The following VAPB variants were observed in gnomAD, a reference collection of about 807,000 sequenced individuals.
VAPB encodes the protein VAMP associated protein B and C.
Under a neutral mutation model 25.6 loss-of-function variants are expected in VAPB, and 7 were observed. The observed-to-expected ratio is 0.27, with a 90% CI of 0.16 to 0.51. The LOEUF is 0.51. Ranked by LOEUF, VAPB falls within the 20% of genes least tolerant of loss-of-function variation. The pLI, the probability that VAPB is intolerant of heterozygous loss-of-function variation, is 0.97. For synonymous variants in VAPB, 112 were observed against 109.2 expected (o/e 1.03, Z -0.16); for missense variants, 266 against 301.3 (o/e 0.88, Z 0.87).
rs1217130795 is a variant in VAPB at position 58,446,712 on chromosome 20, G to A, written c.*2477G>A. Reference sequence around the variant, plus strand: ...AGGTTAGGACTTGGTGAACATGTTTGTGGGCCTTTTGACTGAGTGGCAGAA... The same window carrying A: ...AGGTTAGGACTTGGTGAACATGTTTATGGGCCTTTTGACTGAGTGGCAGAA... On this transcript the variant is annotated 3_prime_UTR_variant, in exon 6 of 6. Transcript: ENST00000475243. 1 of 454,094 alleles carries A rather than the reference G, an allele frequency of 2.2e-6. No homozygotes were observed. The highest frequency in any genetic ancestry group is 2.0e-5 in the African/African-American group (1 of 50,114). The allele number at this position is 454,094 out of a possible 1,614,324, so 28.1% of individuals were successfully genotyped here.
rs756070179 is a variant in VAPB, at chr20:58,445,970, G to A, written c.*1735G>A. ...TTAGAAGTCACATACGTTGAGCCAC[G>A]TTGCTCCTAAGCCTGGCTCTGTCAA... is the stretch of plus-strand genomic sequence containing the variant. On this transcript the variant is annotated 3_prime_UTR_variant, in exon 6 of 6. Coordinates refer to ENST00000475243, the MANE Select transcript of VAPB (RefSeq NM_004738.5). 4 of 454,076 alleles carry A rather than the reference G, an allele frequency of 8.8e-6. No homozygotes were observed. The highest frequency in any genetic ancestry group is 1.6e-5 in the South Asian group (1 of 64,480). 28.1% of individuals were successfully genotyped at this position (454,076 alleles called of 1,614,324 possible).
intron 1 of VAPB, among the ~76,000 whole-genome samples, chr20:58,414,714 G>A (rs1018707816): frequency 8.5e-5 from 13 of 152,062 alleles, no homozygotes; most frequent in African/African-American, 2.2e-4. Flanking sequence ...GATGGCGGCC[G>A]GTCGGAGACG....
At chr20:58,422,956 T>C (rs2123066467) in intron 2 of VAPB, among the ~76,000 whole-genome samples, 1 of 152,260 alleles carries the variant, frequency 6.6e-6, no homozygotes, top group Middle Eastern at 3.4e-3. Flanking sequence ...AAGTGTACCT[T>C]GGGAATTGAA....
chr20:58,444,515 A>C lies in VAPB; in HGVS notation c.*280A>C. ...ACCATGAGTAATGCCACAATGGCAT[A>C]TTGTAAATGTCATTTTAAACATTGG... On this transcript the variant is annotated 3_prime_UTR_variant, in exon 6 of 6. Transcript: ENST00000475243. 1 of 563,652 alleles carries C rather than the reference A, an allele frequency of 1.8e-6. No homozygotes were observed. The allele number at this position is 563,652 out of a possible 1,614,324, so 34.9% of individuals were successfully genotyped here. A position where few individuals can be genotyped will look rare whatever the true frequency, so the allele number is the denominator to read the frequency against.
At position 58,441,038 on chromosome 20, in the gene VAPB, G is replaced by A. The variant is rs199921117; in HGVS notation, c.528G>A (p.Leu176=). The change falls in exon 5 of 6, where the codon CTG becomes CTA. Residue 176 remains leucine (L), a synonymous_variant. Transcript: ENST00000475243. ...AGGTTATGGAAGAATGTAAGAGGCT[G>A]CAAGGTGAAGTTCAGAGGCTACGGG... The part of the protein sequence containing the change: ...VKKVMEECKR[L]QGEVQRLREE... 2.0e-4 allele frequency: 315 copies of A among 1,614,082 alleles called. 1 individual carries two copies. In the Admixed American group the frequency reaches 4.5e-3, roughly 23 times the overall value.
At chr20:58,412,248 C>T (rs1988397488) in intron 1 of VAPB, among the ~76,000 whole-genome samples, 1 of 152,042 alleles carries the variant, frequency 6.6e-6, no homozygotes, top group Admixed American at 6.5e-5. Context: ...TCTAAATATA[C>T]TTTAGCCTTT....
At chr20:58,414,469 G>T (rs1404220675) in intron 1 of VAPB, among the ~76,000 whole-genome samples, 1 of 151,624 alleles carries the variant, frequency 6.6e-6, no homozygotes, top group Non-Finnish European at 1.5e-5. Context: ...CTCCTCAGAC[G>T]GGGCGGTTGC....
At chr20:58,410,407 G>GTATT (rs144731530) in intron 1 of VAPB, among the ~76,000 whole-genome samples, 169 of 151,812 alleles carry the variant, frequency 1.1e-3, no homozygotes, top group South Asian at 6.2e-3. Context: ...TATCAACACC[G>GTATT]TATTTATTTA....
chr20:58,419,081 AC>A, intron 2 of VAPB, among the ~76,000 whole-genome samples: 1 of 152,292 alleles, frequency 6.6e-6, no homozygotes, highest in Admixed American at 6.5e-5. Flanking sequence ...GCTCATTAGA[AC>A]TTCTCCATCC....
At chr20:58,390,391 T>G (rs1320377146) in intron 1 of VAPB, 2 of 151,930 alleles carry the variant, frequency 1.3e-5, no homozygotes, top group Non-Finnish European at 2.9e-5. Context: ...TTTTTTTTTT[T>G]TTTTCCTACC....
chr20:58,445,620 C>T lies in VAPB; in HGVS notation c.*1385C>T, dbSNP rs1211779972. 1 of 453,842 alleles carries T rather than the reference C, an allele frequency of 2.2e-6. No individual in the cohort carries two copies. The highest frequency in any genetic ancestry group is 1.6e-5 in the South Asian group (1 of 64,420). 28.1% of individuals were successfully genotyped at this position (453,842 alleles called of 1,614,324 possible). ...TTATTTTATCATTTTTATTATTTTG[C>T]CATTGGAAGGTTAACTTTAAAATGA... On this transcript the variant is annotated 3_prime_UTR_variant, in exon 6 of 6. Coordinates refer to ENST00000475243, the MANE Select transcript of VAPB (RefSeq NM_004738.5).
Position 58,395,535 on chromosome 20 carries a change from A to G in VAPB, c.58+6018A>G, listed in dbSNP as rs192993730. Among the ~76,000 whole-genome samples the G allele has an allele frequency of 6.6e-5, 10 of 152,322 alleles. No individual in the cohort carries two copies. The East Asian group carries it at 1.5e-3, about 23-fold the overall frequency. ...TTGGGACGAATGAGCACAGCTTTCAACTAGATGACAAGAAAGATGAATACA... is the reference window on the plus strand; with the variant it reads ...TTGGGACGAATGAGCACAGCTTTCAGCTAGATGACAAGAAAGATGAATACA... On this transcript the variant is annotated intron_variant, in intron 1 of 5. Transcript: ENST00000475243.
rs1352858489 is a variant in VAPB, at chr20:58,449,341, A to C, written c.*5106A>C. The C allele has an allele frequency of 2.2e-6, 1 of 451,242 alleles. No individual in the cohort carries two copies. The highest frequency in any genetic ancestry group is 4.4e-6 in the Non-Finnish European group (1 of 226,188). 28.0% of individuals were successfully genotyped at this position (451,242 alleles called of 1,614,324 possible). A position where few individuals can be genotyped will look rare whatever the true frequency, so the allele number is the denominator to read the frequency against. On this transcript the variant is annotated 3_prime_UTR_variant, in exon 6 of 6. Coordinates refer to ENST00000475243, the MANE Select transcript of VAPB (RefSeq NM_004738.5). Reference sequence around the variant, plus strand: ...TTTCATTACAGAGATATTTTGAAAAATTTAAAAGACATGAACTCACATAAA... The same window carrying C: ...TTTCATTACAGAGATATTTTGAAAACTTTAAAAGACATGAACTCACATAAA...
At position 58,408,739 on chromosome 20, in the gene VAPB, C is replaced by T. The variant is rs1341134563; in HGVS notation, c.59-9472C>T. On this transcript the variant is annotated intron_variant, in intron 1 of 5. Transcript: ENST00000475243. ...CACAAATTTAGAGTGATTTCAGATC[C>T]GGGTTTTGAAGTAGGTGTCTGTTTA... Among the ~76,000 whole-genome samples the T allele has an allele frequency of 2.6e-5, 4 of 151,986 alleles. 1 individual carries two copies. The highest frequency in any genetic ancestry group is 2.1e-4 in the South Asian group (1 of 4,812).
intron 1 of VAPB, among the ~76,000 whole-genome samples, chr20:58,411,712 T>C (rs1338151927): frequency 6.6e-6 from 1 of 152,238 alleles, no homozygotes. Context: ...TCTCTTTCGC[T>C]CTGTCACCCA....
chr20:58,425,264 A>G (rs1019347126), intron 2 of VAPB, among the ~76,000 whole-genome samples: 6 of 152,212 alleles, frequency 3.9e-5, no homozygotes, highest in Non-Finnish European at 8.8e-5. Context: ...GGGCACTGCC[A>G]TGAGAAACTG....
chr20:58,421,220 T>C (rs979429228), intron 2 of VAPB, among the ~76,000 whole-genome samples: 1 of 152,222 alleles, frequency 6.6e-6, no homozygotes, highest in East Asian at 1.9e-4. Flanking sequence ...GGGAGAATAG[T>C]GTCTACCTTA....
At chr20:58,420,230 C>G (rs1205030715) in intron 2 of VAPB, among the ~76,000 whole-genome samples, 1 of 152,240 alleles carries the variant, frequency 6.6e-6, no homozygotes, top group Non-Finnish European at 1.5e-5. Flanking sequence ...AGTGATCCGC[C>G]TGCCTCGGCC....
intron 1 of VAPB, among the ~76,000 whole-genome samples, chr20:58,412,425 CA>C (rs1988403123): frequency 6.6e-6 from 1 of 151,832 alleles, no homozygotes; most frequent in African/African-American, 2.4e-5. Context: ...ATTAAAAATA[CA>C]AAAATTAGCC....
Sources: allele counts gnomAD v4.1 joint callset (sites outside exome capture counted in the v4.1 genomes callset), GRCh38; gene constraint gnomAD v4.1.1; transcripts MANE v1.5; gene names NCBI Gene and HGNC (gene_info 2026-07-23, HGNC 2026-07-21).